Variants in CTSH observed in about 807,000 individuals in gnomAD.
CTSH encodes cathepsin H.
Under a neutral mutation model 56.3 loss-of-function variants are expected in CTSH, and 52 were observed. That is an observed-to-expected ratio of 0.92 (90% CI 0.74 to 1.16). The LOEUF (loss-of-function observed/expected upper bound fraction) is 1.16, where lower values mean the gene tolerates loss of function less well. CTSH is among the 50% of genes most tolerant of loss of function. The pLI is 0.00. For missense variants in CTSH, 406 were observed against 424.5 expected, an observed-to-expected ratio of 0.96 and a Z score of 0.38; for synonymous variants, 174 against 155.7, an observed-to-expected ratio of 1.12 and a Z score of -0.88.
Position 78,921,601 on chromosome 15 carries a change from A to T in CTSH, c.*529T>A, listed in dbSNP as rs969346834. The T allele has an allele frequency of 6.6e-6, 1 of 152,638 alleles. No individual in the cohort carries two copies. The highest frequency in any genetic ancestry group is 2.4e-5 in the African/African-American group (1 of 41,484). 9.5% of individuals were successfully genotyped at this position (152,638 alleles called of 1,614,324 possible). On this transcript the variant is annotated 3_prime_UTR_variant, in exon 12 of 12. Transcript: ENST00000220166. Reference sequence around the variant, plus strand: ...TTTGGGACAAATAGTCAAGATCTCAAATTAAGCCTGCTCTTCATCCTGGAT... The same window carrying T: ...TTTGGGACAAATAGTCAAGATCTCATATTAAGCCTGCTCTTCATCCTGGAT...
rs2054776855 is a variant in CTSH, at chr15:78,921,908, A to G, written c.*222T>C. On this transcript the variant is annotated 3_prime_UTR_variant, in exon 12 of 12. Coordinates refer to ENST00000220166, the MANE Select transcript of CTSH (RefSeq NM_004390.5). ...GTGGTTTGAGTCTGTTAAGAAGGACACTAAGGCACATGGCTGGTGATCTTT... is the reference window on the plus strand; with the variant it reads ...GTGGTTTGAGTCTGTTAAGAAGGACGCTAAGGCACATGGCTGGTGATCTTT... The G allele has an allele frequency of 5.2e-6, 3 of 577,588 alleles. No individual in the cohort carries two copies. Among genetic ancestry groups the G allele is most frequent in the Non-Finnish European group, 9.3e-6 (3 of 323,870 alleles). 35.8% of individuals were successfully genotyped at this position (577,588 alleles called of 1,614,324 possible). A position where few individuals can be genotyped will look rare whatever the true frequency, so the allele number is the denominator to read the frequency against.
At chr15:78,928,344 ATCACGAGGCCAGGAGT>A (rs2054961856) in intron 8 of CTSH, among the ~76,000 whole-genome samples, 2 of 123,774 alleles carry the variant, frequency 1.6e-5, no homozygotes, top group Non-Finnish European at 3.6e-5. Context: ...GAGGCGGTAG[ATCACGAGGCCAGGAGT>A]TCAATACCAG....
intron 1 of CTSH, among the ~76,000 whole-genome samples, chr15:78,940,693 T>A (rs1055485131): frequency 6.6e-6 from 1 of 152,190 alleles, no homozygotes; most frequent in Non-Finnish European, 1.5e-5. Context: ...GTGTGGTGGC[T>A]CACGCCTGTA....
intron 9 of CTSH, chr15:78,927,321 T>C: frequency 7.7e-6 from 2 of 258,820 alleles, no homozygotes; most frequent in Admixed American, 5.2e-5. Context: ...TTGGGCACGG[T>C]TGTTATTGCA....
rs752875267 is a variant in CTSH at position 78,944,976 on chromosome 15, C to T, written c.6G>A (p.Trp2Ter). 1.9e-6 allele frequency: 3 copies of T among 1,542,822 alleles called. No individual in the cohort carries two copies. Among genetic ancestry groups the T allele is most frequent in the African/African-American group, 1.4e-5 (1 of 72,554 alleles). ...CGGCGCAGAGCAGCGGCAGCGTGGC[C>T]CACATCGCAGCGCTGGCGGCTTGGC... The part of the protein sequence containing the change: M[W>*]ATLPLLCAGA... Residue 2 changes from tryptophan (W) to a stop codon, truncating the protein, a stop_gained, in exon 1 of 12, where the codon TGG (tryptophan) becomes TGA (stop). Transcript: ENST00000220166. LOFTEE classifies it high-confidence loss of function.
chr15:78,943,436 G>T (rs1567384115), intron 1 of CTSH, among the ~76,000 whole-genome samples: 1 of 152,050 alleles, frequency 6.6e-6, no homozygotes, highest in African/African-American at 2.4e-5. Flanking sequence ...CACCATGTTG[G>T]CCAGGCTGCT....
In CTSH at chr15:78,922,231, C is replaced by T. The variant is rs937690529; in HGVS notation, c.933-26G>A. ...CTGGGCAGAAAGAGGAGCTGAGGCC[C>T]GGCCGGCGGTCTCCCCACCACAGGC... is the stretch of plus-strand genomic sequence containing the variant. On this transcript the variant is annotated intron_variant, in intron 11 of 11. Transcript: ENST00000220166. 11 of 1,554,310 alleles carry T rather than the reference C, an allele frequency of 7.1e-6. No homozygotes were observed. In the East Asian group the frequency reaches 1.2e-4, roughly 17 times the overall value.
intron 4 of CTSH, among the ~76,000 whole-genome samples, chr15:78,935,412 CTTG>C (rs2055154788): frequency 6.6e-6 from 1 of 152,178 alleles, no homozygotes; most frequent in South Asian, 2.1e-4. Flanking sequence ...TAAAGAATTA[CTTG>C]TTGTGTATCT....
At chr15:78,923,753 C>G (rs192565295) in intron 10 of CTSH, among the ~76,000 whole-genome samples, 3 of 152,334 alleles carry the variant, frequency 2.0e-5, no homozygotes, top group East Asian at 3.9e-4. Flanking sequence ...TTTAACACAG[C>G]TTTGCTTTGT....
intron 5 of CTSH, 54 bp from the exon 6 acceptor site, chr15:78,932,512 A>G (rs2055085194): frequency 1.4e-6 from 2 of 1,408,276 alleles, no homozygotes; most frequent in Admixed American, 1.7e-5. Flanking sequence ...GCCGTGAGAC[A>G]GCCCTGCCTT....
At chr15:78,924,106 G>GGGGAGGGTGGGCAGGGT (rs1555444019) in intron 10 of CTSH, among the ~76,000 whole-genome samples, 1 of 135,412 alleles carries the variant, frequency 7.4e-6, no homozygotes, top group African/African-American at 2.7e-5. Flanking sequence ...CGGGGGGGGG[G>GGGGAGGGTGGGCAGGGT]GGGAGGGTGG....
chr15:78,939,216 T>C, intron 1 of CTSH, 45 bp from the exon 2 acceptor site: 2 of 1,520,180 alleles, frequency 1.3e-6, no homozygotes, highest in Non-Finnish European at 1.8e-6. Context: ...ATCACAGTAA[T>C]GTTGAGTCTA....
At chr15:78,927,684 C>G (rs1199868919) in intron 9 of CTSH, 29 bp downstream of exon 9, 1 of 1,604,104 alleles carries the variant, frequency 6.2e-7, no homozygotes, top group Admixed American at 1.7e-5. Context: ...AGGACACATT[C>G]CCCATCCCAG....
chr15:78,944,570 G>A (rs1173758525), intron 1 of CTSH: 2 of 277,922 alleles, frequency 7.2e-6, no homozygotes, highest in Non-Finnish European at 6.8e-6. Flanking sequence ...TCCTCTGTGT[G>A]ACACTCTGTG....
At chr15:78,924,288 A>G (rs2054851478) in intron 10 of CTSH, among the ~76,000 whole-genome samples, 1 of 152,130 alleles carries the variant, frequency 6.6e-6, no homozygotes, top group African/African-American at 2.4e-5. Flanking sequence ...CCCTCAGGGT[A>G]GGACCCTGGG....
At chr15:78,935,987 G>C (rs938468656) in intron 3 of CTSH, among the ~76,000 whole-genome samples, 20 of 152,076 alleles carry the variant, frequency 1.3e-4, no homozygotes. Context: ...CCGTACTCCA[G>C]AGATGCTAAT....
intron 10 of CTSH, among the ~76,000 whole-genome samples, chr15:78,923,576 A>T (rs908500257): frequency 4.6e-5 from 7 of 152,148 alleles, no homozygotes; most frequent in Non-Finnish European, 1.0e-4. Flanking sequence ...GGTGTGAGCC[A>T]CCGCACCCGG....
chr15:78,922,832 G>A (rs1465125592), intron 11 of CTSH, among the ~76,000 whole-genome samples, 161 bp downstream of exon 11: 1 of 152,198 alleles, frequency 6.6e-6, no homozygotes, highest in Non-Finnish European at 1.5e-5. Context: ...TGGAAATGTG[G>A]AGGCTACATT....
At chr15:78,941,434 A>AT (rs2055287814) in intron 1 of CTSH, among the ~76,000 whole-genome samples, 1 of 149,298 alleles carries the variant, frequency 6.7e-6, no homozygotes, top group African/African-American at 2.5e-5. Flanking sequence ...AAAAAAAAAA[A>AT]AAAAAAAAAA....
Sources: allele counts gnomAD v4.1 joint callset (sites outside exome capture counted in the v4.1 genomes callset), GRCh38; gene constraint gnomAD v4.1.1; transcripts MANE v1.5; gene names NCBI Gene and HGNC (gene_info 2026-07-23, HGNC 2026-07-21).